Variants in CDK5RAP2 observed in about 807,000 individuals in gnomAD.
CDK5RAP2 encodes the protein CDK5 regulatory subunit associated protein 2.
CDK5RAP2 carries 147 observed loss-of-function variants against 232.9 expected under a neutral mutation model. The ratio of observed to expected loss-of-function variants is 0.63; its 90% CI spans 0.55 to 0.72. The LOEUF is 0.72. Ranked by LOEUF, CDK5RAP2 falls within the 30% of genes least tolerant of loss-of-function variation. The pLI is 0.00. For synonymous variants in CDK5RAP2, 833 were observed against 833.7 expected, an observed-to-expected ratio of 1.00 and a Z score of 0.01; for missense variants, 2,195 against 2,231.5, an observed-to-expected ratio of 0.98 and a Z score of 0.33.
chr9:120,432,593 G>A (rs764104156), intron 25 of CDK5RAP2, among the ~76,000 whole-genome samples: 8 of 152,216 alleles, frequency 5.3e-5, no homozygotes, highest in Non-Finnish European at 1.2e-4. Context: ...CCAAGAAAAG[G>A]AGCTGTGGTG....
intron 4 of CDK5RAP2, among the ~76,000 whole-genome samples, chr9:120,547,544 C>T (rs565479521): frequency 1.3e-5 from 2 of 151,976 alleles, no homozygotes; most frequent in Admixed American, 1.3e-4. Flanking sequence ...GCAGAGGTCG[C>T]AGTGAGCCAA....
intron 14 of CDK5RAP2, among the ~76,000 whole-genome samples, chr9:120,481,858 T>C (rs893935206): frequency 6.6e-6 from 1 of 152,204 alleles, no homozygotes; most frequent in Non-Finnish European, 1.5e-5. Context: ...TAATTCTACA[T>C]ATGTCCTGGA....
intron 18 of CDK5RAP2, 193 bp from the exon 19 acceptor site, chr9:120,460,860 A>C: frequency 1.2e-6 from 1 of 828,122 alleles, no homozygotes; most frequent in Non-Finnish European, 1.9e-6. Flanking sequence ...GGCGAATCAG[A>C]CACAGCTGCC....
At chr9:120,408,297 G>A (rs1385134812) in intron 31 of CDK5RAP2, 50 bp downstream of exon 31, 2 of 1,611,102 alleles carry the variant, frequency 1.2e-6, no homozygotes, top group African/African-American at 2.7e-5. Flanking sequence ...CTGTCGGGTG[G>A]TCTTACAGCC....
chr9:120,437,587 T>G, intron 24 of CDK5RAP2, 60 bp from the exon 25 acceptor site: 1 of 1,213,458 alleles, frequency 8.2e-7, no homozygotes, highest in Non-Finnish European at 1.2e-6. Context: ...TTTGTGACCT[T>G]AACACTAATT....
chr9:120,564,180 A>AT (rs2042560518), intron 3 of CDK5RAP2, among the ~76,000 whole-genome samples: 1 of 152,022 alleles, frequency 6.6e-6, no homozygotes, highest in African/African-American at 2.4e-5. Flanking sequence ...AAAAAAAGAA[A>AT]CACTCGGCGA....
At chr9:120,430,337 G>C (rs2035205689) in intron 25 of CDK5RAP2, among the ~76,000 whole-genome samples, 1 of 151,832 alleles carries the variant, frequency 6.6e-6, no homozygotes. Flanking sequence ...CTACAAAATG[G>C]GAGAAAATTT....
rs191131994 is a variant in CDK5RAP2 at position 120,568,756 on chromosome 9, A to C, written c.128-368T>G. 7.7e-4 allele frequency among the ~76,000 whole-genome samples: 117 copies of C among 152,268 alleles called. 2 individuals carry two copies. Among genetic ancestry groups the C allele is most frequent in the Non-Finnish European group, 1.4e-3 (92 of 68,026 alleles). ...CAACAAAGCACATCTAACTGACTTG[A>C]CAGCAGGGGTTGGCAAACTTTTTCT... On this transcript the variant is annotated intron_variant, in intron 2 of 37. Transcript: ENST00000349780.
At chr9:120,579,464 T>C (rs2043159741) in intron 1 of CDK5RAP2, among the ~76,000 whole-genome samples, 3 of 152,154 alleles carry the variant, frequency 2.0e-5, no homozygotes, top group South Asian at 4.1e-4. Context: ...TTCTTAATCA[T>C]TGCACTCCAT....
At chr9:120,412,394 T>G (rs2033904775) in intron 28 of CDK5RAP2, among the ~76,000 whole-genome samples, 1 of 152,210 alleles carries the variant, frequency 6.6e-6, no homozygotes, top group Non-Finnish European at 1.5e-5. Context: ...CTAGCCACCC[T>G]GCAGTGAGGA....
intron 7 of CDK5RAP2, among the ~76,000 whole-genome samples, chr9:120,536,059 T>C (rs796166154): frequency 2.6e-5 from 4 of 152,302 alleles, no homozygotes; most frequent in African/African-American, 9.6e-5. Flanking sequence ...TCTCTACCCT[T>C]TTTCCTTTGG....
At chr9:120,531,735 G>C (rs1315793286) in intron 7 of CDK5RAP2, among the ~76,000 whole-genome samples, 1 of 152,196 alleles carries the variant, frequency 6.6e-6, no homozygotes, top group Non-Finnish European at 1.5e-5. Flanking sequence ...TTTGCAGTCA[G>C]ACAGAGCTGC....
At position 120,394,630 on chromosome 9, in the gene CDK5RAP2, T is replaced by A. The variant is rs751538526; in HGVS notation, c.5460A>T (p.Glu1820Asp). ...GTAGTTTGGTGACCTCTGCCTTCAT[T>A]TCTCCAATCTAAAGAGAAGAGAAAT... ...QCPLHCEQIG[E>D]MKAEVTKLHK... The change falls in exon 36 of 38, where the codon GAA becomes GAT. Residue 1820 changes from glutamate (E) to aspartate (D), a missense_variant. Physicochemically the swap from Glu to Asp is conservative, Grantham distance 45. Transcript: ENST00000349780. The A allele has an allele frequency of 9.9e-6, 16 of 1,611,912 alleles. No individual in the cohort carries two copies. The South Asian group carries it at 1.6e-4, about 17-fold the overall frequency.
At chr9:120,573,986 G>A (rs896086366) in intron 1 of CDK5RAP2, among the ~76,000 whole-genome samples, 11 of 152,082 alleles carry the variant, frequency 7.2e-5, no homozygotes, top group African/African-American at 1.9e-4. Flanking sequence ...GGTTCTCTCC[G>A]GGTACCAGAG....
intron 1 of CDK5RAP2, among the ~76,000 whole-genome samples, chr9:120,574,213 T>C (rs2042951619): frequency 6.6e-6 from 1 of 152,176 alleles, no homozygotes; most frequent in Admixed American, 6.5e-5. Flanking sequence ...TCCTGCCAAA[T>C]TTCCACTCGG....
intron 3 of CDK5RAP2, among the ~76,000 whole-genome samples, chr9:120,566,047 G>A (rs932079025): frequency 6.6e-6 from 1 of 152,190 alleles, no homozygotes; most frequent in African/African-American, 2.4e-5. Context: ...ACTCCTGATG[G>A]TTAGGTATCA....
At chr9:120,555,406 G>A (rs753463339) in intron 3 of CDK5RAP2, among the ~76,000 whole-genome samples, 26 of 152,164 alleles carry the variant, frequency 1.7e-4, no homozygotes, top group Non-Finnish European at 3.4e-4. Context: ...CCAAAGTGCT[G>A]GGATTACAGG....
intron 36 of CDK5RAP2, among the ~76,000 whole-genome samples, chr9:120,393,447 T>A (rs538260130): frequency 2.0e-5 from 3 of 152,344 alleles, no homozygotes; most frequent in African/African-American, 7.2e-5. Flanking sequence ...TACTTGGCAA[T>A]AATCTCTGTC....
chr9:120,437,339 T>A lies in CDK5RAP2; in HGVS notation c.3911A>T (p.Gln1304Leu). The A allele has an allele frequency of 6.2e-7, 1 of 1,614,108 alleles. No homozygotes were observed. The highest frequency in any genetic ancestry group is 8.5e-7 in the Non-Finnish European group (1 of 1,180,000). The part of the protein sequence containing the change: ...VAEGFQEQLN[Q>L]CAELLEKLEK... ...CAATTTCTCCAGCAGCTCAGCACATTGATTCAGCTGTTCCTGGAAACCCTC... is the reference window on the plus strand; with the variant it reads ...CAATTTCTCCAGCAGCTCAGCACATAGATTCAGCTGTTCCTGGAAACCCTC... The change falls in exon 25 of 38, where the codon CAA (glutamine) becomes CTA (leucine). Residue 1304 changes from glutamine to leucine, a missense_variant. Coordinates refer to ENST00000349780, the MANE Select transcript of CDK5RAP2 (RefSeq NM_018249.6).
Sources: gnomAD v4.1 joint callset for allele counts (sites outside exome capture counted in the v4.1 genomes callset) on GRCh38, gnomAD v4.1.1 for gene constraint, MANE v1.5 for transcripts, NCBI Gene and HGNC (gene_info 2026-07-23, HGNC 2026-07-21) for gene names.